Variants in IGFBP7 observed in about 807,000 individuals in gnomAD.
IGFBP7 encodes the protein insulin-like growth factor-binding protein 7.
In IGFBP7, 31 loss-of-function variants were observed where a neutral mutation model predicts 29.4. The observed-to-expected ratio is 1.05, with a 90% CI of 0.79 to 1.42. The LOEUF (loss-of-function observed/expected upper bound fraction) is 1.42, where lower values mean the gene tolerates loss of function less well. Ranked by LOEUF, IGFBP7 falls within the 40% of genes most tolerant of loss-of-function variation. The pLI is 0.00. For synonymous variants in IGFBP7, 172 were observed against 174.9 expected (o/e 0.98, Z 0.13); for missense variants, 393 against 395.5 (o/e 0.99, Z 0.05).
intron 1 of IGFBP7, among the ~76,000 whole-genome samples, chr4:57,091,743 A>C (rs1300417156): frequency 6.6e-6 from 1 of 152,204 alleles, no homozygotes; most frequent in Non-Finnish European, 1.5e-5. Context: ...TGCCTTACAA[A>C]GGACAATTGT....
intron 1 of IGFBP7, among the ~76,000 whole-genome samples, chr4:57,100,704 G>A (rs1211615071): frequency 6.6e-6 from 1 of 152,006 alleles, no homozygotes; most frequent in African/African-American, 2.4e-5. Flanking sequence ...CACACCCAAG[G>A]GTTTGACTCT....
At chr4:57,106,556 T>C (rs1726036106) in intron 1 of IGFBP7, among the ~76,000 whole-genome samples, 1 of 151,702 alleles carries the variant, frequency 6.6e-6, no homozygotes, top group Non-Finnish European at 1.5e-5. Flanking sequence ...TAGAATGGAG[T>C]TATATTGTGA....
intron 1 of IGFBP7, among the ~76,000 whole-genome samples, chr4:57,100,794 A>G (rs539494208): frequency 2.6e-5 from 4 of 152,352 alleles, no homozygotes; most frequent in African/African-American, 9.6e-5. Flanking sequence ...CAGAGAGTCA[A>G]TGTTGCTGGT....
chr4:57,035,307 C>T (rs564353653), intron 2 of IGFBP7, among the ~76,000 whole-genome samples: 6 of 151,996 alleles, frequency 3.9e-5, no homozygotes, highest in African/African-American at 9.7e-5. Flanking sequence ...GTTGGCATGG[C>T]GTATTTTAAT....
chr4:57,054,235 G>A (rs953988103), intron 1 of IGFBP7, among the ~76,000 whole-genome samples: 1 of 102,390 alleles, frequency 9.8e-6, no homozygotes, highest in Non-Finnish European at 2.1e-5. Context: ...ATCAGGAAGG[G>A]TTTCTTGAAC....
At chr4:57,062,962 T>C (rs941968437) in intron 1 of IGFBP7, among the ~76,000 whole-genome samples, 2 of 152,178 alleles carry the variant, frequency 1.3e-5, no homozygotes, top group African/African-American at 4.8e-5. Flanking sequence ...AAATCCAGAA[T>C]AGATAAGATC....
At chr4:57,054,995 C>T (rs1381359434) in intron 1 of IGFBP7, among the ~76,000 whole-genome samples, 1 of 152,210 alleles carries the variant, frequency 6.6e-6, no homozygotes, top group African/African-American at 2.4e-5. Flanking sequence ...GCAAATCCTT[C>T]AGGCGAGGCT....
At position 57,099,385 on chromosome 4, in the gene IGFBP7, T is replaced by G. The variant is rs537451085; in HGVS notation, c.475+10492A>C. 2.0e-5 allele frequency among the ~76,000 whole-genome samples: 3 copies of G among 152,278 alleles called. No individual in the cohort carries two copies. The East Asian group carries it at 5.8e-4, about 29-fold the overall frequency. On this transcript the variant is annotated intron_variant, in intron 1 of 4. Coordinates refer to ENST00000295666, the MANE Select transcript of IGFBP7 (RefSeq NM_001553.3). ...TTAGCTGACAAAAACATGCTTCAATTTAAAAAAATGCAAATTCCTTAGACC... is the reference window on the plus strand; with the variant it reads ...TTAGCTGACAAAAACATGCTTCAATGTAAAAAAATGCAAATTCCTTAGACC...
chr4:57,062,804 G>A (rs1266324238), intron 1 of IGFBP7, among the ~76,000 whole-genome samples: 1 of 152,148 alleles, frequency 6.6e-6, no homozygotes, highest in African/African-American at 2.4e-5. Flanking sequence ...AAACACTCCT[G>A]GGTAGAGTCC....
At chr4:57,064,700 T>C (rs770421320) in intron 1 of IGFBP7, among the ~76,000 whole-genome samples, 8 of 152,174 alleles carry the variant, frequency 5.3e-5, no homozygotes, top group Non-Finnish European at 1.0e-4. Flanking sequence ...GCCAATGAAC[T>C]TGAGACTTAG....
chr4:57,085,660 C>T (rs62308282), intron 1 of IGFBP7, among the ~76,000 whole-genome samples: 17,870 of 152,140 alleles, frequency 0.12, 1,278 homozygotes, highest in Non-Finnish European at 0.14. Context: ...TCTCACTCTT[C>T]TCTTATATAA....
chr4:57,108,235 T>C (rs902508268), intron 1 of IGFBP7, among the ~76,000 whole-genome samples: 1 of 152,254 alleles, frequency 6.6e-6, no homozygotes, highest in African/African-American at 2.4e-5. Context: ...AGGCTTTCAA[T>C]AGTGAACTCT....
At chr4:57,050,681 A>G (rs1724483094) in intron 1 of IGFBP7, among the ~76,000 whole-genome samples, 1 of 151,700 alleles carries the variant, frequency 6.6e-6, no homozygotes, top group Non-Finnish European at 1.5e-5. Flanking sequence ...AGGAGCTAGG[A>G]CTACAGGCAA....
At chr4:57,093,769 A>G (rs1054823184) in intron 1 of IGFBP7, among the ~76,000 whole-genome samples, 1 of 152,190 alleles carries the variant, frequency 6.6e-6, no homozygotes, top group African/African-American at 2.4e-5. Context: ...CTAAGCAAAC[A>G]TAAGATTCAC....
At chr4:57,040,328 C>A (rs1002673611) in intron 2 of IGFBP7, among the ~76,000 whole-genome samples, 2 of 152,102 alleles carry the variant, frequency 1.3e-5, no homozygotes, top group Non-Finnish European at 2.9e-5. Flanking sequence ...ATAATAATGC[C>A]TCCAAGCAGA....
chr4:57,104,998 GT>G (rs758248297), intron 1 of IGFBP7, among the ~76,000 whole-genome samples: 2 of 152,218 alleles, frequency 1.3e-5, no homozygotes, highest in Non-Finnish European at 2.9e-5. Flanking sequence ...GCCAGACACT[GT>G]GTTTATAAGG....
intron 1 of IGFBP7, among the ~76,000 whole-genome samples, chr4:57,058,067 T>A (rs1187027816): frequency 1.3e-5 from 2 of 152,162 alleles, no homozygotes; most frequent in African/African-American, 4.8e-5. Flanking sequence ...AGAGAGAAGA[T>A]TAATCCCATT....
intron 1 of IGFBP7, among the ~76,000 whole-genome samples, chr4:57,046,986 G>A (rs946917490): frequency 6.6e-6 from 1 of 151,874 alleles, no homozygotes; most frequent in Non-Finnish European, 1.5e-5. Flanking sequence ...TATAACTCTC[G>A]CTCAGTAACT....
chr4:57,035,291 A>G (rs1724056038), intron 2 of IGFBP7, among the ~76,000 whole-genome samples: 1 of 152,178 alleles, frequency 6.6e-6, no homozygotes, highest in South Asian at 2.1e-4. Flanking sequence ...CCTTCTTTTC[A>G]CAAGTGTTGG....
Sources: allele counts gnomAD v4.1 joint callset (sites outside exome capture counted in the v4.1 genomes callset), GRCh38; gene constraint gnomAD v4.1.1; transcripts MANE v1.5; gene names NCBI Gene and HGNC (gene_info 2026-07-23, HGNC 2026-07-21).